The following KCNH2 variants were observed in gnomAD, a reference collection of about 807,000 sequenced individuals.
The protein encoded by KCNH2 is voltage-gated inwardly rectifying potassium channel KCNH2.
A neutral mutation model predicts 95.9 loss-of-function variants in KCNH2; 35 were observed. The ratio of observed to expected loss-of-function variants is 0.37; its 90% CI spans 0.28 to 0.48. The LOEUF (loss-of-function observed/expected upper bound fraction) is 0.48. KCNH2 is among the 20% of genes least tolerant of loss of function. The probability of loss-of-function intolerance (pLI) is 0.99; values close to 1 mark genes in which losing one functional copy is unlikely to be tolerated. For synonymous variants in KCNH2, 786 were observed against 754.7 expected (o/e 1.04, Z -0.68); for missense variants, 1,274 against 1,702.9 (o/e 0.75, Z 4.43).
rs36210422 is a variant in KCNH2 at position 150,958,449 on chromosome 7, G to C, written c.526C>G (p.Arg176Gly). The change falls in exon 4 of 15, where the codon CGG becomes GGG. Residue 176 changes from arginine to glycine, a missense_variant. Transcript: ENST00000262186. ...CCGCCCGACCGCACCGACGACTCCCGGGCCGTCAGCGCCAGCAGCGCGGGC... is the reference window on the plus strand; with the variant it reads ...CCGCCCGACCGCACCGACGACTCCCCGGCCGTCAGCGCCAGCAGCGCGGGC... ...KLPALLALTA[R>G]ESSVRSGGAG... 6.8e-7 allele frequency: 1 copy of C among 1,466,264 alleles called. No individual in the cohort carries two copies. The highest frequency in any genetic ancestry group is 9.0e-7 in the Non-Finnish European group (1 of 1,115,584). The allele number at this position is 1,466,264 out of a possible 1,614,324, so 90.8% of individuals were successfully genotyped here. A position where few individuals can be genotyped will look rare whatever the true frequency, so the allele number is the denominator to read the frequency against.
Position 150,947,036 on chromosome 7 carries a change from A to G in KCNH2, c.3171T>C (p.Ser1057=), listed in dbSNP as rs1363636593. Residue 1057 remains serine (S), a synonymous_variant, in exon 14 of 15, where the codon AGT becomes AGC. Transcript: ENST00000262186. ...GCTGCAGGACAGTGGCCATGTCTGCACTCAGCCGGGTCTCCAGCCTGGGGC... is the reference window on the plus strand; with the variant it reads ...GCTGCAGGACAGTGGCCATGTCTGCGCTCAGCCGGGTCTCCAGCCTGGGGC... The part of the protein sequence containing the change: ...RQLNRLETRL[S]ADMATVLQLL... The G allele has an allele frequency of 6.3e-7, 1 of 1,591,944 alleles. No individual in the cohort carries two copies. Among genetic ancestry groups the G allele is most frequent in the Non-Finnish European group, 8.6e-7 (1 of 1,166,712 alleles).
chr7:150,949,159 G>T (rs1433719810), intron 9 of KCNH2, 110 bp from the exon 10 acceptor site: 5 of 1,181,890 alleles, frequency 4.2e-6, no homozygotes, highest in Non-Finnish European at 6.0e-6. Context: ...CCTCAGCTGG[G>T]TCGCCTGCCA....
At chr7:150,947,561 G>C in intron 12 of KCNH2, 45 bp downstream of exon 12, 2 of 1,605,296 alleles carry the variant, frequency 1.2e-6, no homozygotes, top group Non-Finnish European at 1.7e-6. Flanking sequence ...ACGCACCACC[G>C]CTGCCACGCC....
In KCNH2 at chr7:150,946,928, C is replaced by T. The variant is rs202198564; in HGVS notation, c.3279G>A (p.Pro1093=). ...TGGGGAGGGGGCTGACGGGCAACAG[C>T]GGGGATGTGGAAGTGGGGCCAGGCC... The part of the protein sequence containing the change: ...TPGPGPTSTS[P]LLPVSPLPTL... Residue 1093 remains proline, a synonymous_variant, in exon 14 of 15, where the codon CCG becomes CCA. Transcript: ENST00000262186. This position sits in a 1 kb window ranked among gnomAD's most constrained non-coding sequence, Gnocchi z 6.5. 4.4e-6 allele frequency: 7 copies of T among 1,598,076 alleles called. No individual in the cohort carries two copies. The highest frequency in any genetic ancestry group is 2.3e-5 in the East Asian group (1 of 44,382).
At chr7:150,955,310 C>A (rs1801328200) in intron 5 of KCNH2, 5 of 1,354,400 alleles carry the variant, frequency 3.7e-6, no homozygotes, top group Admixed American at 2.0e-5. Context: ...AGCCCTCTCC[C>A]CAGCCTGGAG....
chr7:150,972,779 C>T (rs3778873), intron 2 of KCNH2, among the ~76,000 whole-genome samples: 1 of 152,080 alleles, frequency 6.6e-6, no homozygotes, highest in Non-Finnish European at 1.5e-5. Context: ...ACCTGCAAGT[C>T]GAATGGGTTG....
rs761933920 is a variant in KCNH2, at chr7:150,947,376, C to T, written c.3104G>A (p.Arg1035Gln). ...ATCCAGCCTGCTCTCCACGTCGCCC[C>T]GGGGCCGCCGACCCGGGCTGGAGAG... is the stretch of plus-strand genomic sequence containing the variant. Reference protein sequence around the residue: ...IPLSSPGRRPRGDVESRLDAL... With the variant: ...IPLSSPGRRPQGDVESRLDAL... The change falls in exon 13 of 15, where the codon CGG becomes CAG. Residue 1035 changes from arginine (R) to glutamine (Q), a missense_variant. This residue lies in a region of KCNH2 where 457 missense variants were observed against 416.1 expected (regional missense o/e 1.10). Transcript: ENST00000262186. 4.2e-5 allele frequency: 64 copies of T among 1,536,496 alleles called. No homozygotes were observed. Among genetic ancestry groups the T allele is most frequent in the South Asian group, 9.6e-5 (8 of 83,646 alleles).
rs1357683885 is a variant in KCNH2 at position 150,947,731 on chromosome 7, C to T, written c.2840G>A (p.Gly947Asp). Residue 947 changes from glycine to aspartate, a missense_variant, in exon 12 of 15, where the codon GGC (glycine) becomes GAC (aspartate). By Grantham distance (94) the Gly-to-Asp change is moderately conservative. Transcript: ENST00000262186. The stretch of plus-strand genomic sequence containing the variant: ...CAGGCGGAGGGGGCTGGAGCTGCGG[C>T]CTGGGCCCTCATCCTCACTGCTCTC... ...SPESSEDEGP[G>D]RSSSPLRLVP... The T allele has an allele frequency of 1.3e-6, 2 of 1,562,446 alleles. No homozygotes were observed. The highest frequency in any genetic ancestry group is 2.4e-5 in the East Asian group (1 of 42,324).
chr7:150,959,909 C>A (rs911283150), intron 2 of KCNH2, among the ~76,000 whole-genome samples, 173 bp from the exon 3 acceptor site: 16 of 152,206 alleles, frequency 1.1e-4, no homozygotes, highest in Non-Finnish European at 2.1e-4. Flanking sequence ...TGCCTGCCGC[C>A]CTTATGGCTC....
In KCNH2 at chr7:150,958,264, G is replaced by A. The variant is rs774222426; in HGVS notation, c.711C>T (p.Pro237=). 4.2e-6 allele frequency: 6 copies of A among 1,443,920 alleles called. No homozygotes were observed. The highest frequency in any genetic ancestry group is 2.5e-5 in the Admixed American group (1 of 39,248). 89.4% of individuals were successfully genotyped at this position (1,443,920 alleles called of 1,614,324 possible). Residue 237 remains proline, a synonymous_variant, in exon 4 of 15, where the codon CCC becomes CCT. Coordinates refer to ENST00000262186, the MANE Select transcript of KCNH2 (RefSeq NM_000238.4). ...PAEERRALVG[P]GSPPRSAPGQ... ...CGGGCGCGCTGCGGGGCGGAGAGCC[G>A]GGACCCACCAGCGCACGCCGCTCCT... is the stretch of plus-strand genomic sequence containing the variant.
chr7:150,972,050 G>A (rs1801854133), intron 2 of KCNH2, among the ~76,000 whole-genome samples: 1 of 152,116 alleles, frequency 6.6e-6, no homozygotes, highest in Non-Finnish European at 1.5e-5. Flanking sequence ...GACTTCAAGG[G>A]GCACAGGGCC....
chr7:150,949,053 G>A lies in KCNH2; in HGVS notation c.2399-4C>T. The A allele has an allele frequency of 1.2e-6, 2 of 1,613,696 alleles. No individual in the cohort carries two copies. The highest frequency in any genetic ancestry group is 1.7e-6 in the Non-Finnish European group (2 of 1,179,724). On this transcript the variant is annotated splice_region_variant and splice_polypyrimidine_tract_variant and intron_variant, in intron 9 of 14. Coordinates refer to ENST00000262186, the MANE Select transcript of KCNH2 (RefSeq NM_000238.4). ...TCCCCAAAGATGTCATTCTTCCCTG[G>A]AGGCCATGGAGAGGACAGGGAGCTC...
At chr7:150,951,925 G>A in intron 6 of KCNH2, 90 bp from the exon 7 acceptor site, 1 of 1,283,194 alleles carries the variant, frequency 7.8e-7, no homozygotes. Flanking sequence ...GCGAGCATCA[G>A]AGGTCAGATC....
intron 9 of KCNH2, 96 bp from the exon 10 acceptor site, chr7:150,949,145 G>A: frequency 8.1e-7 from 1 of 1,231,368 alleles, no homozygotes; most frequent in Non-Finnish European, 1.2e-6. Context: ...GGCAGAGCAT[G>A]TCCCCTCAGC....
chr7:150,977,805 C>A, intron 1 of KCNH2, 33 bp downstream of exon 1: 1 of 603,042 alleles, frequency 1.7e-6, no homozygotes. Context: ...GCCCCCAGAG[C>A]CCCCTCCCCG....
Position 150,947,371 on chromosome 7 carries a change from C to A in KCNH2, c.3109G>T (p.Asp1037Tyr), listed in dbSNP as rs199473023. 1 of 1,547,296 alleles carries A rather than the reference C, an allele frequency of 6.5e-7. No individual in the cohort carries two copies. The highest frequency in any genetic ancestry group is 8.7e-7 in the Non-Finnish European group (1 of 1,147,004). Residue 1037 changes from aspartate to tyrosine, a missense_variant, in exon 13 of 15, where the codon GAC becomes TAC. This residue lies in a region of KCNH2 where 457 missense variants were observed against 416.1 expected (regional missense o/e 1.10). Coordinates refer to ENST00000262186, the MANE Select transcript of KCNH2 (RefSeq NM_000238.4). Reference protein sequence around the residue: ...LSSPGRRPRGDVESRLDALQR... With the variant: ...LSSPGRRPRGYVESRLDALQR... Reference sequence around the variant, plus strand: ...AGGGCATCCAGCCTGCTCTCCACGTCGCCCCGGGGCCGCCGACCCGGGCTG... The same window carrying A: ...AGGGCATCCAGCCTGCTCTCCACGTAGCCCCGGGGCCGCCGACCCGGGCTG...
Position 150,945,080 on chromosome 7 carries a change from G to A in KCNH2, c.*285C>T. On this transcript the variant is annotated 3_prime_UTR_variant, in exon 15 of 15. Transcript: ENST00000262186. This position sits in a 1 kb window ranked among gnomAD's most constrained non-coding sequence, Gnocchi z 5.6. ...TAAATAGCAGAAAAGTCCTTGAGGT[G>A]CCTAAGGCCCAGGGCCGGGTGCCTC... The A allele has an allele frequency of 2.2e-6, 1 of 462,410 alleles. No individual in the cohort carries two copies. Among genetic ancestry groups the A allele is most frequent in the East Asian group, 3.3e-5 (1 of 30,636 alleles). The allele number at this position is 462,410 out of a possible 1,614,324, so 28.6% of individuals were successfully genotyped here.
Position 150,952,778 on chromosome 7 carries a change from G to A in KCNH2, c.1204C>T (p.His402Tyr). 1 of 1,614,184 alleles carries A rather than the reference G, an allele frequency of 6.2e-7. No homozygotes were observed. Among genetic ancestry groups the A allele is most frequent in the Non-Finnish European group, 8.5e-7 (1 of 1,180,046 alleles). The change falls in exon 6 of 15, where the codon CAT becomes TAT. Residue 402 changes from histidine (H) to tyrosine (Y), a missense_variant. By Grantham distance (83) the His-to-Tyr change is moderately conservative (BLOSUM62 2). Coordinates refer to ENST00000262186, the MANE Select transcript of KCNH2 (RefSeq NM_000238.4). The surrounding 1 kb of genome is among the most constrained non-coding windows in gnomAD (Gnocchi z 7.3). ...APRIHRWTILHYSPFKAVWDW... is the reference protein window; with the variant it reads ...APRIHRWTILYYSPFKAVWDW... ...CACACGGCCTTGAAGGGGCTGTAAT[G>A]CAGGATGGTCCAGCGGTGGATGCGC...
Position 150,952,539 on chromosome 7 carries a change from C to T in KCNH2, c.1443G>A (p.Glu481=). The change falls in exon 6 of 15, where the codon GAG becomes GAA. Residue 481 remains glutamate, a synonymous_variant. Transcript: ENST00000262186. This position sits in a 1 kb window ranked among gnomAD's most constrained non-coding sequence, Gnocchi z 7.3. ...FRTTYVNANE[E]VVSHPGRIAV... is the part of the protein sequence containing the mutation. Reference sequence around the variant, plus strand: ...CGATGCGGCCGGGGTGGCTGACCACCTCCTCGTTGGCATTGACGTAGGTGG... The same window carrying T: ...CGATGCGGCCGGGGTGGCTGACCACTTCCTCGTTGGCATTGACGTAGGTGG... 1 of 1,614,228 alleles carries T rather than the reference C, an allele frequency of 6.2e-7. No homozygotes were observed. The highest frequency in any genetic ancestry group is 8.5e-7 in the Non-Finnish European group (1 of 1,180,044).
Sources: gnomAD v4.1 joint callset for allele counts (sites outside exome capture counted in the v4.1 genomes callset) on GRCh38, gnomAD v4.1.1 for gene constraint, gnomAD v4.1.1 regional missense constraint, Gnocchi (gnomAD v3.1) non-coding constraint, MANE v1.5 for transcripts, NCBI Gene and HGNC (gene_info 2026-07-23, HGNC 2026-07-21) for gene names.